Variants in PRR11 observed in about 807,000 individuals in gnomAD.
PRR11 encodes the protein proline rich 11.
In PRR11, 30 loss-of-function variants were observed where a neutral mutation model predicts 45.6. That is an observed-to-expected ratio of 0.66 (90% CI 0.49 to 0.89). The LOEUF is 0.89. Ranked by LOEUF, PRR11 falls within the 40% of genes least tolerant of loss-of-function variation. The pLI is 0.00. For synonymous variants in PRR11, 128 were observed against 153.5 expected, an observed-to-expected ratio of 0.83 and a Z score of 1.23; for missense variants, 373 against 424.8, an observed-to-expected ratio of 0.88 and a Z score of 1.07.
intron 2 of PRR11, among the ~76,000 whole-genome samples, chr17:59,173,830 T>C (rs2046726581): frequency 6.6e-6 from 1 of 152,134 alleles, no homozygotes; most frequent in South Asian, 2.1e-4. Context: ...TCTGCACAAA[T>C]GGCTCCTCTC....
chr17:59,193,782 G>A (rs370242316), intron 5 of PRR11, 48 bp downstream of exon 5: 101 of 1,584,440 alleles, frequency 6.4e-5, no homozygotes, highest in Non-Finnish European at 8.5e-5. Flanking sequence ...TTTGGTGAGT[G>A]TGTAATATAG....
At chr17:59,171,479 G>T (rs544845755) in intron 2 of PRR11, among the ~76,000 whole-genome samples, 49 of 152,102 alleles carry the variant, frequency 3.2e-4, no homozygotes, top group African/African-American at 1.2e-3. Flanking sequence ...TAGATACAAA[G>T]ATTTAAATAT....
At chr17:59,200,932 ATCTT>A (rs1568328803) in intron 9 of PRR11, among the ~76,000 whole-genome samples, 1 of 151,014 alleles carries the variant, frequency 6.6e-6, no homozygotes. Context: ...GCCCACAACT[ATCTT>A]TTTTTTTTTT....
intron 4 of PRR11, among the ~76,000 whole-genome samples, chr17:59,185,909 G>C (rs2046811754): frequency 6.6e-6 from 1 of 152,142 alleles, no homozygotes; most frequent in Non-Finnish European, 1.5e-5. Flanking sequence ...CAAGTTAGTA[G>C]ATATATTGTC....
At chr17:59,165,943 C>T (rs2046677907) in intron 1 of PRR11, among the ~76,000 whole-genome samples, 1 of 152,182 alleles carries the variant, frequency 6.6e-6, no homozygotes, top group African/African-American at 2.4e-5. Context: ...GGTGTGTTTT[C>T]TAAGCCCGTA....
At chr17:59,200,532 G>C (rs536935998) in intron 9 of PRR11, among the ~76,000 whole-genome samples, 2 of 151,294 alleles carry the variant, frequency 1.3e-5, no homozygotes, top group African/African-American at 2.4e-5. Context: ...TCGCTCTGTC[G>C]CCCAGGCTGG....
At chr17:59,191,381 G>A (rs1237291784) in intron 4 of PRR11, among the ~76,000 whole-genome samples, 1 of 151,698 alleles carries the variant, frequency 6.6e-6, no homozygotes, top group African/African-American at 2.4e-5. Flanking sequence ...ACCACGCCTC[G>A]CTAATTTTTG....
At chr17:59,187,194 G>C (rs2046818111) in intron 4 of PRR11, among the ~76,000 whole-genome samples, 1 of 151,834 alleles carries the variant, frequency 6.6e-6, no homozygotes, top group South Asian at 2.1e-4. Flanking sequence ...GGGTGACAGA[G>C]CTAGACTGTC....
chr17:59,197,706 A>T lies in PRR11; in HGVS notation c.931A>T (p.Thr311Ser). The change falls in exon 9 of 10, where the codon ACC becomes TCC. Residue 311 changes from threonine to serine, a missense_variant. Physicochemically the swap from Thr to Ser is moderately conservative, Grantham distance 58. Transcript: ENST00000262293. ...ATACCTTTGCAGGAGCCCAGGTGGA[A>T]CCCCTCTTACCAATAAGGAAAATAT... ...KVDVERSPGG[T>S]PLTNKENMET... 6.2e-7 allele frequency: 1 copy of T among 1,614,046 alleles called. No homozygotes were observed. The highest frequency in any genetic ancestry group is 8.5e-7 in the Non-Finnish European group (1 of 1,179,970).
At position 59,180,501 on chromosome 17, in the gene PRR11, T is replaced by TTTTTTTTTTTTG. The variant is rs541780941; in HGVS notation, c.129-4545_129-4544insTTTGTTTTTTTT. Among the ~76,000 whole-genome samples, 296 of 116,196 alleles carry TTTTTTTTTTTTG rather than the reference T, an allele frequency of 2.5e-3. 2 individuals are homozygous for TTTTTTTTTTTTG. The highest frequency in any genetic ancestry group is 9.7e-3 in the African/African-American group (275 of 28,302). The allele number at this position is 116,196 out of a possible 152,430, so 76.2% of individuals were successfully genotyped here. A position where few individuals can be genotyped will look rare whatever the true frequency, so the allele number is the denominator to read the frequency against. On this transcript the variant is annotated intron_variant, in intron 2 of 9. Transcript: ENST00000262293. ...TGACTTCTGGGCCCGTCCTTGTTTTTTTTTTTTTGTTTTTTTTGTTTTTTT... is the reference window on the plus strand; with the variant it reads ...TGACTTCTGGGCCCGTCCTTGTTTTTTTTTTTTTTTTGTTTTTTTTGTTTTTTTTGTTTTTTT...
At chr17:59,175,553 G>A (rs2147841870) in intron 2 of PRR11, among the ~76,000 whole-genome samples, 1 of 152,320 alleles carries the variant, frequency 6.6e-6, no homozygotes, top group East Asian at 1.9e-4. Context: ...CTTGAGGCCA[G>A]GAGTTCGAGA....
At chr17:59,176,869 C>T (rs2046749840) in intron 2 of PRR11, among the ~76,000 whole-genome samples, 1 of 151,458 alleles carries the variant, frequency 6.6e-6, no homozygotes, top group South Asian at 2.1e-4. Flanking sequence ...GCTAATTTTT[C>T]TATTTTTAGT....
At chr17:59,199,893 C>A (rs2046884338) in intron 9 of PRR11, among the ~76,000 whole-genome samples, 1 of 152,148 alleles carries the variant, frequency 6.6e-6, no homozygotes, top group Non-Finnish European at 1.5e-5. Flanking sequence ...GCATGCTACC[C>A]CTAATCAAGT....
rs776124365 is a variant in PRR11 at position 59,195,304 on chromosome 17, T to C, written c.745-27T>C. On this transcript the variant is annotated intron_variant, in intron 6 of 9. Coordinates refer to ENST00000262293, the MANE Select transcript of PRR11 (RefSeq NM_018304.4). ...TTGAGTGATATTTTAAAATTTGTTTTAATAATGTCTCATTTTATAATTAAA... is the reference window on the plus strand; with the variant it reads ...TTGAGTGATATTTTAAAATTTGTTTCAATAATGTCTCATTTTATAATTAAA... The C allele has an allele frequency of 4.5e-6, 7 of 1,545,054 alleles. No homozygotes were observed. The Admixed American group carries it at 1.0e-4, about 23-fold the overall frequency.
chr17:59,199,347 C>T (rs1450255954), intron 9 of PRR11, among the ~76,000 whole-genome samples: 1 of 152,092 alleles, frequency 6.6e-6, no homozygotes, highest in African/African-American at 2.4e-5. Flanking sequence ...ATTCAAGGAA[C>T]TAAGAAGTGA....
intron 2 of PRR11, among the ~76,000 whole-genome samples, chr17:59,182,187 C>G (rs1174448614): frequency 6.6e-6 from 1 of 151,806 alleles, no homozygotes; most frequent in Non-Finnish European, 1.5e-5. Context: ...GCCATAATGC[C>G]CAGCTCAATT....
At chr17:59,179,416 C>A (rs543894550) in intron 2 of PRR11, among the ~76,000 whole-genome samples, 1 of 152,144 alleles carries the variant, frequency 6.6e-6, no homozygotes, top group African/African-American at 2.4e-5. Context: ...GGATCTCAGA[C>A]GTGAGCCACC....
intron 2 of PRR11, among the ~76,000 whole-genome samples, chr17:59,172,677 C>T (rs1481026476): frequency 1.3e-5 from 2 of 152,244 alleles, no homozygotes; most frequent in South Asian, 2.1e-4. Flanking sequence ...CCAGCAGCTG[C>T]AGGGGGTGCG....
intron 9 of PRR11, among the ~76,000 whole-genome samples, chr17:59,200,587 G>A (rs962394757): frequency 6.6e-6 from 1 of 152,112 alleles, no homozygotes; most frequent in Non-Finnish European, 1.5e-5. Flanking sequence ...CTGCCTCCTG[G>A]GTTCACACCA....
Sources: gnomAD v4.1 joint callset for allele counts (sites outside exome capture counted in the v4.1 genomes callset) on GRCh38, gnomAD v4.1.1 for gene constraint, MANE v1.5 for transcripts, NCBI Gene and HGNC (gene_info 2026-07-23, HGNC 2026-07-21) for gene names.